The following LRCH3 variants were observed in gnomAD, a reference collection of about 807,000 sequenced individuals.
The protein encoded by LRCH3 is leucine rich repeats and calponin homology domain containing 3.
Under a neutral mutation model 104.5 loss-of-function variants are expected in LRCH3, and 68 were observed. That is an observed-to-expected ratio of 0.65 (90% CI 0.54 to 0.80). The LOEUF is 0.80. Ranked by LOEUF, LRCH3 falls within the 30% of genes least tolerant of loss-of-function variation. LRCH3 has a pLI of 0.00. For missense variants in LRCH3, 951 were observed against 953.9 expected (o/e 1.00, Z 0.04); for synonymous variants, 344 against 361.3 (o/e 0.95, Z 0.54).
chr3:197,862,081 T>C (rs1740947666), intron 15 of LRCH3, among the ~76,000 whole-genome samples: 2 of 152,178 alleles, frequency 1.3e-5, no homozygotes, highest in African/African-American at 4.8e-5. Context: ...TACAAACCTC[T>C]GCCTCCCAGT....
At chr3:197,791,683 GGCGCCAGCCCTCCGGGCCT>G in intron 1 of LRCH3, 143 bp downstream of exon 1, 2 of 972,796 alleles carry the variant, frequency 2.1e-6, no homozygotes, top group Non-Finnish European at 2.8e-6. Flanking sequence ...AGAAGCCGAC[GGCGCCAGCCCTCCGGGCCT>G]GCGCCAGACC....
intron 10 of LRCH3, among the ~76,000 whole-genome samples, chr3:197,842,841 T>C (rs1738006139): frequency 6.6e-6 from 1 of 152,158 alleles, no homozygotes; most frequent in African/African-American, 2.4e-5. Flanking sequence ...TCCCAGCACT[T>C]TGGGAGCCCG....
intron 4 of LRCH3, among the ~76,000 whole-genome samples, chr3:197,820,816 G>A (rs139993482): frequency 1.0e-3 from 159 of 152,036 alleles, no homozygotes; most frequent in African/African-American, 3.7e-3. Flanking sequence ...TTAAAAAAAC[G>A]GGGTGGGGAG....
chr3:197,821,843 T>G (rs1734526840), intron 4 of LRCH3, among the ~76,000 whole-genome samples: 1 of 152,144 alleles, frequency 6.6e-6, no homozygotes, highest in Admixed American at 6.6e-5. Flanking sequence ...TCACCTACTT[T>G]TTGTATTTTT....
intron 17 of LRCH3, among the ~76,000 whole-genome samples, chr3:197,869,580 C>T (rs529566708): frequency 4.2e-5 from 6 of 142,162 alleles, no homozygotes; most frequent in Non-Finnish European, 7.6e-5. Context: ...AGGTAGAAAG[C>T]GATGCACTGT....
At chr3:197,826,195 C>T (rs1735182700) in intron 4 of LRCH3, among the ~76,000 whole-genome samples, 1 of 152,122 alleles carries the variant, frequency 6.6e-6, no homozygotes, top group South Asian at 2.1e-4. Context: ...AGAAGAAATT[C>T]TGTATCATTA....
chr3:197,838,027 T>A (rs894840745), intron 9 of LRCH3, among the ~76,000 whole-genome samples: 9 of 151,908 alleles, frequency 5.9e-5, no homozygotes, highest in African/African-American at 2.2e-4. Flanking sequence ...GCTACTGCAC[T>A]CCAGCCTAGG....
chr3:197,813,028 G>A (rs762995222), intron 1 of LRCH3, among the ~76,000 whole-genome samples: 2 of 151,426 alleles, frequency 1.3e-5, no homozygotes, highest in Non-Finnish European at 2.9e-5. Context: ...AACAACACCT[G>A]TTGTTTTTTC....
intron 1 of LRCH3, among the ~76,000 whole-genome samples, chr3:197,814,339 T>C (rs1469200942): frequency 6.6e-6 from 1 of 152,232 alleles, no homozygotes; most frequent in South Asian, 2.1e-4. Flanking sequence ...GCCTCCATGA[T>C]TGAATTACCT....
chr3:197,820,657 A>C (rs1307945463), intron 4 of LRCH3, among the ~76,000 whole-genome samples: 1 of 152,142 alleles, frequency 6.6e-6, no homozygotes, highest in Non-Finnish European at 1.5e-5. Context: ...GAAAATTAAC[A>C]AATTAGCCCA....
chr3:197,796,017 T>C (rs1183201948), intron 1 of LRCH3, among the ~76,000 whole-genome samples: 1 of 152,012 alleles, frequency 6.6e-6, no homozygotes, highest in African/African-American at 2.4e-5. Flanking sequence ...AAAAAGGTCC[T>C]GACTAATACA....
chr3:197,866,275 T>C (rs1741475507), intron 17 of LRCH3, 56 bp downstream of exon 17: 1 of 1,212,952 alleles, frequency 8.2e-7, no homozygotes, highest in Non-Finnish European at 1.2e-6. Context: ...ACAACGACGC[T>C]AGCTGTTAGA....
At chr3:197,847,288 G>A in intron 10 of LRCH3, 121 bp from the exon 11 acceptor site, 1 of 840,602 alleles carries the variant, frequency 1.2e-6, no homozygotes, top group Non-Finnish European at 1.8e-6. Context: ...ATGCTAACTA[G>A]GCAGTTTGCT....
At chr3:197,872,922 A>G (rs760508267) in intron 19 of LRCH3, among the ~76,000 whole-genome samples, 4 of 152,212 alleles carry the variant, frequency 2.6e-5, no homozygotes, top group Non-Finnish European at 4.4e-5. Context: ...AGTCCAGGCC[A>G]GGAAGATAAC....
chr3:197,883,343 G>A lies in LRCH3; in HGVS notation c.2209-198G>A, dbSNP rs1713950584. The A allele has an allele frequency of 2.2e-6, 3 of 1,376,986 alleles. No individual in the cohort carries two copies. The highest frequency in any genetic ancestry group is 3.2e-5 in the Admixed American group (1 of 31,028). 85.3% of individuals were successfully genotyped at this position (1,376,986 alleles called of 1,614,324 possible). On this transcript the variant is annotated intron_variant, in intron 20 of 20. Coordinates refer to ENST00000425562, the MANE Select transcript of LRCH3 (RefSeq NM_001365715.1). This position sits in a 1 kb window ranked among gnomAD's most constrained non-coding sequence, Gnocchi z 4.2. Reference sequence around the variant, plus strand: ...AAATGATCTGTATGTACTTTTAGTTGTATTAATAAAGTGACAGTGAGTGTC... The same window carrying A: ...AAATGATCTGTATGTACTTTTAGTTATATTAATAAAGTGACAGTGAGTGTC...
At chr3:197,882,828 T>G in intron 20 of LRCH3, 2 of 985,404 alleles carry the variant, frequency 2.0e-6, no homozygotes, top group Non-Finnish European at 2.4e-6. Flanking sequence ...TAAGCTTACA[T>G]AGTAGTTCCC....
intron 1 of LRCH3, among the ~76,000 whole-genome samples, chr3:197,809,835 G>A (rs1456834927): frequency 1.3e-5 from 2 of 152,136 alleles, no homozygotes; most frequent in East Asian, 3.8e-4. Flanking sequence ...ATTGCTCTCT[G>A]AAGCATTCTT....
intron 1 of LRCH3, among the ~76,000 whole-genome samples, chr3:197,792,601 AT>A (rs1730709856): frequency 2.4e-5 from 2 of 82,978 alleles, no homozygotes; most frequent in South Asian, 4.1e-4. Context: ...ATATATATAT[AT>A]ATAAAATATA....
chr3:197,860,088 C>T (rs755779921), intron 15 of LRCH3, among the ~76,000 whole-genome samples: 8 of 152,140 alleles, frequency 5.3e-5, no homozygotes, highest in Non-Finnish European at 7.3e-5. Context: ...CAGGGTCCTG[C>T]TCTGTCTCCC....
Sources: gnomAD v4.1 joint callset for allele counts (sites outside exome capture counted in the v4.1 genomes callset) on GRCh38, gnomAD v4.1.1 for gene constraint, Gnocchi (gnomAD v3.1) non-coding constraint, MANE v1.5 for transcripts, NCBI Gene and HGNC (gene_info 2026-07-23, HGNC 2026-07-21) for gene names.